The following BEGAIN variants were observed in gnomAD, a reference collection of about 807,000 sequenced individuals.
BEGAIN encodes brain-enriched guanylate kinase-associated protein.
A neutral mutation model predicts 35.8 loss-of-function variants in BEGAIN; 19 were observed. The ratio of observed to expected loss-of-function variants is 0.53; its 90% confidence interval spans 0.37 to 0.78. BEGAIN has a LOEUF of 0.78. BEGAIN is among the 30% of genes least tolerant of loss of function. BEGAIN has a pLI of 0.00. For synonymous variants in BEGAIN, 462 were observed against 388.6 expected, an observed-to-expected ratio of 1.19 and a Z score of -2.22; for missense variants, 795 against 853.6, an observed-to-expected ratio of 0.93 and a Z score of 0.85.
Position 100,538,798 on chromosome 14 carries a change from A to T in BEGAIN, c.1010T>A (p.Leu337Gln). The T allele has an allele frequency of 6.3e-7, 1 of 1,599,802 alleles. No individual in the cohort carries two copies. Among genetic ancestry groups the T allele is most frequent in the African/African-American group, 1.3e-5 (1 of 74,916 alleles). Residue 337 changes from leucine to glutamine, a missense_variant, in exon 7 of 7, where the codon CTG becomes CAG. Leu to Gln is a moderately radical substitution (Grantham distance 113). Around this residue, in one of 3 missense-constraint regions of BEGAIN, gnomAD observed 664 missense variants for 647.7 expected, o/e 1.03. Transcript: ENST00000554140. ...EEKEHAQAST[L>Q]TASQQAIYLN... ...GTAGATGGCCTGCTGCGACGCGGTC[A>T]GCGTGCTGGCCTGCGCGTGCTCCTT...
In BEGAIN at chr14:100,563,672, A is replaced by AC. The variant is rs201280676; in HGVS notation, c.71+4238dup. On this transcript the variant is annotated intron_variant, in intron 2 of 6. Transcript: ENST00000554140. This position sits in a 1 kb window ranked among gnomAD's most constrained non-coding sequence, Gnocchi z 4.2. ...AGTCTGTTCCGATCTTCCAGAGCTGACCCTATGCGCACCCTGTGCCCCGGA... is the reference window on the plus strand; with the variant it reads ...AGTCTGTTCCGATCTTCCAGAGCTGACCCCTATGCGCACCCTGTGCCCCGGA... Among the ~76,000 whole-genome samples the AC allele has an allele frequency of 2.3e-3, 350 of 152,290 alleles. 12 individuals are homozygous for AC. The East Asian group carries it at 0.058, about 25-fold the overall frequency.
chr14:100,586,063 C>T lies in BEGAIN; in HGVS notation c.42+1186G>A, dbSNP rs1342014552. Among the ~76,000 whole-genome samples the T allele has an allele frequency of 2.0e-5, 3 of 152,256 alleles. No homozygotes were observed. Among genetic ancestry groups the T allele is most frequent in the East Asian group, 3.9e-4 (2 of 5,190 alleles). On this transcript the variant is annotated intron_variant, in intron 1 of 6. Transcript: ENST00000554140. This position sits in a 1 kb window ranked among gnomAD's most constrained non-coding sequence, Gnocchi z 4.9. ...GCGTGTCACAGATGCCAGGCAGAGC[C>T]ACCCCCAACGGCCAGTTGCCCCTGC...
chr14:100,539,213 T>A lies in BEGAIN; in HGVS notation c.595A>T (p.Thr199Ser). ...TCCAGCACCTTGGCAATGACGCAGG[T>A]GGGGACGCTGTCGGCGTAGGCCGGG... ...CHPAYADSVPTCVIAKVLEKP... is the reference protein window; with the variant it reads ...CHPAYADSVPSCVIAKVLEKP... Residue 199 changes from threonine to serine, a missense_variant, in exon 7 of 7, where the codon ACC (threonine) becomes TCC (serine). Thr to Ser is a moderately conservative substitution (Grantham distance 58). Around this residue, in one of 3 missense-constraint regions of BEGAIN, gnomAD observed 664 missense variants for 647.7 expected, o/e 1.03. Transcript: ENST00000554140. The A allele has an allele frequency of 1.3e-6, 2 of 1,585,382 alleles. No homozygotes were observed. The highest frequency in any genetic ancestry group is 1.7e-6 in the Non-Finnish European group (2 of 1,164,878).
intron 2 of BEGAIN, among the ~76,000 whole-genome samples, chr14:100,565,669 A>C (rs1243050855): frequency 1.3e-5 from 2 of 152,098 alleles, no homozygotes; most frequent in African/African-American, 4.8e-5. Context: ...CCCTGTGGAC[A>C]CTTCAGGACC....
chr14:100,559,905 G>A (rs147862524), intron 2 of BEGAIN, among the ~76,000 whole-genome samples: 1 of 152,368 alleles, frequency 6.6e-6, no homozygotes, highest in Non-Finnish European at 1.5e-5. Flanking sequence ...TGTTTGGAGG[G>A]AGGCGCCGGG....
At chr14:100,580,102 C>T (rs779564833) in intron 1 of BEGAIN, among the ~76,000 whole-genome samples, 16 of 152,120 alleles carry the variant, frequency 1.1e-4, no homozygotes, top group Non-Finnish European at 2.2e-4. Flanking sequence ...GTCAGGAGTT[C>T]GAGACTAGCC....
chr14:100,583,692 C>CTTTTTTTTTTTTTTTTTTTTT (rs56090356), intron 1 of BEGAIN, among the ~76,000 whole-genome samples: 10 of 108,992 alleles, frequency 9.2e-5, no homozygotes, highest in African/African-American at 1.1e-4. Context: ...GTTTTTCTTC[C>CTTTTTTTTTTTTTTTTTTTTT]TTTTTTTTTT....
At chr14:100,564,625 C>T (rs1452085472) in intron 2 of BEGAIN, among the ~76,000 whole-genome samples, 1 of 152,166 alleles carries the variant, frequency 6.6e-6, no homozygotes, top group Non-Finnish European at 1.5e-5. Context: ...TGTGGCTGAG[C>T]AAGGGTCAAA....
chr14:100,566,157 G>T (rs905148880), intron 2 of BEGAIN, among the ~76,000 whole-genome samples: 6 of 152,238 alleles, frequency 3.9e-5, no homozygotes, highest in African/African-American at 1.4e-4. Flanking sequence ...ACTCCAGAAA[G>T]GCCACATGGC....
chr14:100,555,188 C>G (rs545429951), intron 2 of BEGAIN, among the ~76,000 whole-genome samples: 40 of 152,378 alleles, frequency 2.6e-4, no homozygotes, highest in African/African-American at 8.4e-4. Flanking sequence ...TTCTGCCCCC[C>G]GCCAGGGCCG....
At chr14:100,576,480 C>T (rs1334965758) in intron 1 of BEGAIN, among the ~76,000 whole-genome samples, 5 of 152,212 alleles carry the variant, frequency 3.3e-5, no homozygotes, top group African/African-American at 7.2e-5. Context: ...TCACCGTGCT[C>T]ACCCGGAATT....
chr14:100,540,924 C>G (rs956206387), intron 5 of BEGAIN, among the ~76,000 whole-genome samples: 2 of 152,210 alleles, frequency 1.3e-5, no homozygotes, highest in African/African-American at 4.8e-5. Flanking sequence ...GTAGAGCAGG[C>G]CTGGTCTCCC....
At chr14:100,540,173 C>T (rs1210801111) in intron 6 of BEGAIN, 5 of 355,874 alleles carry the variant, frequency 1.4e-5, no homozygotes, top group Non-Finnish European at 2.1e-5. Flanking sequence ...CTGCGAAGCT[C>T]CACAAAGGTC....
At chr14:100,578,785 CA>C (rs367655357) in intron 1 of BEGAIN, among the ~76,000 whole-genome samples, 4 of 150,718 alleles carry the variant, frequency 2.7e-5, no homozygotes, top group African/African-American at 9.8e-5. Flanking sequence ...AGCAGAAAGA[CA>C]AAAGGAATCC....
At chr14:100,571,162 C>T (rs1471326432) in intron 1 of BEGAIN, among the ~76,000 whole-genome samples, 2 of 152,206 alleles carry the variant, frequency 1.3e-5, no homozygotes, top group Non-Finnish European at 2.9e-5. Flanking sequence ...ACACACCTCT[C>T]CCCACCGTCT....
intron 2 of BEGAIN, among the ~76,000 whole-genome samples, chr14:100,554,889 C>T (rs1467650522): frequency 6.6e-6 from 1 of 152,392 alleles, no homozygotes; most frequent in South Asian, 2.1e-4. Context: ...GCCCCCCCCA[C>T]CTTCCCGCCA....
At chr14:100,582,002 A>T (rs1003113463) in intron 1 of BEGAIN, among the ~76,000 whole-genome samples, 1 of 152,184 alleles carries the variant, frequency 6.6e-6, no homozygotes, top group Non-Finnish European at 1.5e-5. Flanking sequence ...ACGGAGGAGG[A>T]AACTGGGCTC....
chr14:100,572,460 C>G (rs1382461765), intron 1 of BEGAIN, among the ~76,000 whole-genome samples: 3 of 152,154 alleles, frequency 2.0e-5, no homozygotes, highest in Non-Finnish European at 4.4e-5. Context: ...GCCCCACCCT[C>G]CCTCAGGGCA....
chr14:100,553,052 C>T (rs1471099439), intron 2 of BEGAIN, among the ~76,000 whole-genome samples: 1 of 152,178 alleles, frequency 6.6e-6, no homozygotes, highest in South Asian at 2.1e-4. Flanking sequence ...TTGTCCGTGC[C>T]TCCAGGGCAC....
Sources: allele counts gnomAD v4.1 joint callset (sites outside exome capture counted in the v4.1 genomes callset), GRCh38; gene constraint gnomAD v4.1.1; regional missense constraint gnomAD v4.1.1; non-coding constraint Gnocchi (gnomAD v3.1); transcripts MANE v1.5; gene names NCBI Gene and HGNC (gene_info 2026-07-23, HGNC 2026-07-21).